Variants in AGAP6 observed in about 807,000 individuals in gnomAD.
AGAP6 encodes arf-GAP with GTPase, ANK repeat and PH domain-containing protein 6.
Under a neutral mutation model 63.9 loss-of-function variants are expected in AGAP6, and 29 were observed. That is an observed-to-expected ratio of 0.45 (90% CI 0.34 to 0.62). AGAP6 has a LOEUF of 0.62. Ranked by LOEUF, AGAP6 falls within the 20% of genes least tolerant of loss-of-function variation. The pLI is 0.01. For synonymous variants in AGAP6, 199 were observed against 332.9 expected (o/e 0.60, Z 4.38); for missense variants, 493 against 884.9 (o/e 0.56, Z 5.62).
chr10:50,001,171 A>G (rs1473266342), intron 4 of AGAP6, among the ~76,000 whole-genome samples: 1 of 148,366 alleles, frequency 6.7e-6, no homozygotes, highest in African/African-American at 2.5e-5. Flanking sequence ...TCTACTAAAA[A>G]TACAAAAAGT....
At chr10:49,997,229 G>A (rs1357228423) in intron 4 of AGAP6, among the ~76,000 whole-genome samples, 1 of 151,360 alleles carries the variant, frequency 6.6e-6, no homozygotes, top group African/African-American at 2.4e-5. Flanking sequence ...TCACAACATA[G>A]ATGGAGCTGT....
In AGAP6 at chr10:49,988,957, C is replaced by T; in HGVS notation, c.223+19C>T. On this transcript the variant is annotated intron_variant, in intron 1 of 7. Coordinates refer to ENST00000412531, the MANE Select transcript of AGAP6 (RefSeq NM_001077665.3). Reference sequence around the variant, plus strand: ...CCTGAAGGTGAGGAGGTGATAGGTGCCATCTACCCTCGGTTTGCCTCTGGC... The same window carrying T: ...CCTGAAGGTGAGGAGGTGATAGGTGTCATCTACCCTCGGTTTGCCTCTGGC... 2 of 1,601,250 alleles carry T rather than the reference C, an allele frequency of 1.2e-6. No individual in the cohort carries two copies. The highest frequency in any genetic ancestry group is 1.7e-6 in the Non-Finnish European group (2 of 1,179,452).
chr10:50,006,137 A>G (rs2132158542), intron 6 of AGAP6, among the ~76,000 whole-genome samples: 1 of 152,160 alleles, frequency 6.6e-6, no homozygotes, highest in South Asian at 2.1e-4. Context: ...CAGTAAATGG[A>G]TCTTTTGCTC....
chr10:50,001,393 A>G (rs1841689729), intron 4 of AGAP6, among the ~76,000 whole-genome samples: 1 of 135,842 alleles, frequency 7.4e-6, no homozygotes, highest in Non-Finnish European at 1.6e-5. Context: ...TGCTGCAGAA[A>G]AAAAATGAAA....
Position 49,998,965 on chromosome 10 carries a change from G to A in AGAP6, c.397-3031G>A. Among the ~76,000 whole-genome samples the A allele has an allele frequency of 1.4e-5, 2 of 141,784 alleles. 1 individual carries two copies. The highest frequency in any genetic ancestry group is 3.0e-5 in the Non-Finnish European group (2 of 66,560). The allele number at this position is 141,784 out of a possible 152,430, so 93.0% of individuals were successfully genotyped here. A position where few individuals can be genotyped will look rare whatever the true frequency, so the allele number is the denominator to read the frequency against. On this transcript the variant is annotated intron_variant, in intron 4 of 7. Coordinates refer to ENST00000412531, the MANE Select transcript of AGAP6 (RefSeq NM_001077665.3). ...ACGGTGGCTCACACCTGTAATCCCAGCACTTTGGGAGGCTGAGGGAGACGG... is the reference window on the plus strand; with the variant it reads ...ACGGTGGCTCACACCTGTAATCCCAACACTTTGGGAGGCTGAGGGAGACGG...
At chr10:49,998,090 T>C (rs1681362233) in intron 4 of AGAP6, among the ~76,000 whole-genome samples, 1 of 126,110 alleles carries the variant, frequency 7.9e-6, no homozygotes, top group African/African-American at 3.1e-5. Flanking sequence ...TTTGTAATTG[T>C]AATTTGTTTG....
intron 4 of AGAP6, among the ~76,000 whole-genome samples, chr10:49,995,409 G>A (rs2132128869): frequency 6.6e-6 from 1 of 152,244 alleles, no homozygotes; most frequent in East Asian, 1.9e-4. Flanking sequence ...TTAGCATGAA[G>A]CTAATTTTCT....
chr10:49,990,608 T>C (rs562118901), intron 2 of AGAP6, among the ~76,000 whole-genome samples: 34 of 152,278 alleles, frequency 2.2e-4, no homozygotes, highest in Non-Finnish European at 4.6e-4. Flanking sequence ...AATAATATGG[T>C]TCTTGAATAA....
chr10:49,993,819 CAA>C lies in AGAP6; in HGVS notation c.362-557_362-556del, dbSNP rs527964744. 8.7e-3 allele frequency among the ~76,000 whole-genome samples: 899 copies of C among 103,618 alleles called. 4 individuals carry two copies. Among genetic ancestry groups the C allele is most frequent in the African/African-American group, 0.019 (548 of 28,128 alleles). The allele number at this position is 103,618 out of a possible 152,430, so 68.0% of individuals were successfully genotyped here. On this transcript the variant is annotated intron_variant, in intron 3 of 7. Coordinates refer to ENST00000412531, the MANE Select transcript of AGAP6 (RefSeq NM_001077665.3). ...TAGGTGACAGAGTGAGACTCCATCTCAAAAAAAAAAAAAAAAAAAATTAAGAT... is the reference window on the plus strand; with the variant it reads ...TAGGTGACAGAGTGAGACTCCATCTCAAAAAAAAAAAAAAAAAATTAAGAT...
At position 49,999,464 on chromosome 10, in the gene AGAP6, C is replaced by T. The variant is rs1192978933; in HGVS notation, c.397-2532C>T. ...AAATCAGCATAGAAGGGTCACAGCT[C>T]AATATAAGAAAAGCCATCTATGACA... is the stretch of plus-strand genomic sequence containing the variant. On this transcript the variant is annotated intron_variant, in intron 4 of 7. Transcript: ENST00000412531. Among the ~76,000 whole-genome samples, 7 of 140,306 alleles carry T rather than the reference C, an allele frequency of 5.0e-5. 1 individual carries two copies. The highest frequency in any genetic ancestry group is 1.1e-4 in the Non-Finnish European group (7 of 66,008). The allele number at this position is 140,306 out of a possible 152,430, so 92.0% of individuals were successfully genotyped here. A position where few individuals can be genotyped will look rare whatever the true frequency, so the allele number is the denominator to read the frequency against.
In AGAP6 at chr10:49,988,929, A is replaced by C; in HGVS notation, c.214A>C (p.Met72Leu). The change falls in exon 1 of 8, where the codon ATG becomes CTG. Residue 72 changes from methionine (M) to leucine (L), a missense_variant. Met to Leu is a conservative substitution (Grantham distance 15). Transcript: ENST00000412531. ...CATGCACCACGTTCGTGACCGGGAG[A>C]TGCCTGAAGGTGAGGAGGTGATAGG... ...LHMHHVRDRE[M>L]PEALEFNLSA... 6.2e-7 allele frequency: 1 copy of C among 1,601,090 alleles called. No homozygotes were observed. Among genetic ancestry groups the C allele is most frequent in the African/African-American group, 1.3e-5 (1 of 74,482 alleles).
At chr10:49,989,240 G>T in intron 1 of AGAP6, 68 bp from the exon 2 acceptor site, 2 of 1,590,358 alleles carry the variant, frequency 1.3e-6, no homozygotes, top group Non-Finnish European at 1.7e-6. Context: ...AGCAGCAGTT[G>T]AATAAATAAG....
rs1427932690 is a variant in AGAP6 at position 49,988,761 on chromosome 10, G to A, written c.46G>A (p.Glu16Lys). The change falls in exon 1 of 8, where the codon GAG becomes AAG. Residue 16 changes from glutamate to lysine, a missense_variant. Glu to Lys is a moderately conservative substitution (Grantham distance 56, BLOSUM62 1). This residue lies in a region of AGAP6 where 342 missense variants were observed against 533.4 expected (regional missense o/e 0.64). Coordinates refer to ENST00000412531, the MANE Select transcript of AGAP6 (RefSeq NM_001077665.3). The part of the protein sequence containing the change: ...TCRVHPSVSL[E>K]FDQQQGSVCP... ...TCGTGTGCACCCTAGCGTCAGCCTCGAGTTTGACCAGCAGCAGGGGTCGGT... is the reference window on the plus strand; with the variant it reads ...TCGTGTGCACCCTAGCGTCAGCCTCAAGTTTGACCAGCAGCAGGGGTCGGT... 9 of 1,589,020 alleles carry A rather than the reference G, an allele frequency of 5.7e-6. No homozygotes were observed. In the East Asian group the frequency reaches 6.7e-5, roughly 12 times the overall value.
At chr10:49,997,637 T>G (rs1446199856) in intron 4 of AGAP6, among the ~76,000 whole-genome samples, 2 of 152,214 alleles carry the variant, frequency 1.3e-5, no homozygotes, top group Non-Finnish European at 2.9e-5. Flanking sequence ...TATTTATTTA[T>G]TTATTATTTC....
chr10:50,006,573 C>T (rs1475193521), intron 6 of AGAP6, among the ~76,000 whole-genome samples: 12 of 152,170 alleles, frequency 7.9e-5, no homozygotes, highest in Non-Finnish European at 1.6e-4. Context: ...GACAGGGTTT[C>T]GTTATGTTGC....
intron 5 of AGAP6, among the ~76,000 whole-genome samples, chr10:50,003,692 G>A (rs1374486198): frequency 2.0e-5 from 3 of 152,214 alleles, no homozygotes; most frequent in East Asian, 3.8e-4. Context: ...CGATTTTAAT[G>A]TGCAGCAAAG....
intron 4 of AGAP6, among the ~76,000 whole-genome samples, chr10:49,997,253 C>G (rs1482451582): frequency 6.6e-6 from 1 of 151,932 alleles, no homozygotes; most frequent in African/African-American, 2.4e-5. Context: ...CCTGAATGCC[C>G]AAAGTGTTAG....
chr10:49,995,870 G>C (rs1174501401), intron 4 of AGAP6, among the ~76,000 whole-genome samples: 2 of 152,164 alleles, frequency 1.3e-5, no homozygotes, highest in East Asian at 3.8e-4. Flanking sequence ...TGTTGTTCTT[G>C]AATCTATTGC....
intron 4 of AGAP6, among the ~76,000 whole-genome samples, chr10:49,997,362 G>C (rs1841529518): frequency 6.6e-6 from 1 of 152,164 alleles, no homozygotes; most frequent in Non-Finnish European, 1.5e-5. Context: ...AGCCAGGCCT[G>C]GTGGCATGCG....
Sources: allele counts gnomAD v4.1 joint callset (sites outside exome capture counted in the v4.1 genomes callset), GRCh38; gene constraint gnomAD v4.1.1; regional missense constraint gnomAD v4.1.1; transcripts MANE v1.5; gene names NCBI Gene and HGNC (gene_info 2026-07-23, HGNC 2026-07-21).